Variants in CREB3 observed in about 807,000 individuals in gnomAD.
CREB3 encodes cAMP responsive element binding protein 3, also known as cyclic AMP-responsive element-binding protein 3.
A neutral mutation model predicts 34.5 loss-of-function variants in CREB3; 29 were observed. The observed-to-expected ratio is 0.84, with a 90% CI of 0.63 to 1.15. CREB3 has a LOEUF of 1.15. CREB3 is among the 50% of genes most tolerant of loss of function. The pLI is 0.00. For synonymous variants in CREB3, 187 were observed against 173.9 expected (o/e 1.08, Z -0.59); for missense variants, 447 against 443.4 (o/e 1.01, Z -0.07).
chr9:35,733,321 C>T (rs759270829), intron 3 of CREB3, 39 bp downstream of exon 3: 7 of 1,612,718 alleles, frequency 4.3e-6, no homozygotes, highest in South Asian at 1.1e-5. Context: ...TCTCACATTC[C>T]CCAGGTGGGG....
In CREB3 at chr9:35,736,448, C is replaced by A. The variant is rs1319353719; in HGVS notation, c.838C>A (p.Pro280Thr). 6.2e-7 allele frequency: 1 copy of A among 1,614,166 alleles called. No individual in the cohort carries two copies. The highest frequency in any genetic ancestry group is 1.1e-5 in the South Asian group (1 of 91,086). Residue 280 changes from proline (P) to threonine (T), a missense_variant, in exon 9 of 9, where the codon CCT becomes ACT. Coordinates refer to ENST00000353704, the MANE Select transcript of CREB3 (RefSeq NM_006368.5). ...TGAGGACCCTTACCAGCTGGAGCTG[C>A]CTGCCCTGCAGTCAGAAGTGCCGAA... Reference protein sequence around the residue: ...PSEDPYQLELPALQSEVPKDS... With the variant: ...PSEDPYQLELTALQSEVPKDS...
Position 35,733,231 on chromosome 9 carries a change from A to G in CREB3, c.294A>G (p.Arg98=). 1 of 1,614,196 alleles carries G rather than the reference A, an allele frequency of 6.2e-7. No homozygotes were observed. Among genetic ancestry groups the G allele is most frequent in the Non-Finnish European group, 8.5e-7 (1 of 1,180,044 alleles). The change falls in exon 3 of 9, where the codon AGA becomes AGG. Residue 98 remains arginine, a synonymous_variant. Coordinates refer to ENST00000353704, the MANE Select transcript of CREB3 (RefSeq NM_006368.5). The part of the protein sequence containing the change: ...VSMDLESESC[R]KEGTQMTPQH... ...CTTTTGCAGAGAGTGAGAGCTGTAG[A>G]AAAGAGGGGACCCAGATGACTCCAC... is the stretch of plus-strand genomic sequence containing the variant.
Position 35,736,890 on chromosome 9 carries a change from A to C in CREB3, c.*164A>C. ...ATGGCTTTCTGGGTCTTTTATTTGT[A>C]CCCATGTGTCTGTCACACCATGAAT... On this transcript the variant is annotated 3_prime_UTR_variant, in exon 9 of 9. Coordinates refer to ENST00000353704, the MANE Select transcript of CREB3 (RefSeq NM_006368.5). The C allele has an allele frequency of 2.7e-6, 2 of 750,820 alleles. No individual in the cohort carries two copies. The allele number at this position is 750,820 out of a possible 1,614,324, so 46.5% of individuals were successfully genotyped here.
rs1826133094 is a variant in CREB3, at chr9:35,733,470, A to C, written c.420A>C (p.Thr140=). 2 of 1,611,844 alleles carry C rather than the reference A, an allele frequency of 1.2e-6. No individual in the cohort carries two copies. The highest frequency in any genetic ancestry group is 3.3e-5 in the Admixed American group (2 of 60,024). ...AGGAGGGGCTTATTCTGCCTGAGAC[A>C]CTTCCTCTCACTAAGGTAAGACTCT... The part of the protein sequence containing the change: ...LEKEGLILPE[T]LPLTKTEEQI... Residue 140 remains threonine, a synonymous_variant, in exon 4 of 9, where the codon ACA becomes ACC. Coordinates refer to ENST00000353704, the MANE Select transcript of CREB3 (RefSeq NM_006368.5).
At chr9:35,735,074 C>T (rs1249202295) in intron 4 of CREB3, 35 bp from the exon 5 acceptor site, 3 of 1,549,568 alleles carry the variant, frequency 1.9e-6, no homozygotes, top group Non-Finnish European at 2.6e-6. Flanking sequence ...TTCTAGAGTT[C>T]CTCTAATGAT....
Position 35,736,435 on chromosome 9 carries a change from C to T in CREB3, c.825C>T (p.Tyr275=), listed in dbSNP as rs1385102436. The T allele has an allele frequency of 6.2e-7, 1 of 1,614,134 alleles. No homozygotes were observed. Among genetic ancestry groups the T allele is most frequent in the Admixed American group, 1.7e-5 (1 of 60,026 alleles). ...GTGCCCTCCCCAGTGAGGACCCTTA[C>T]CAGCTGGAGCTGCCTGCCCTGCAGT... ...QLRALPSEDP[Y]QLELPALQSE... The change falls in exon 9 of 9, where the codon TAC becomes TAT. Residue 275 remains tyrosine (Y), a synonymous_variant. Coordinates refer to ENST00000353704, the MANE Select transcript of CREB3 (RefSeq NM_006368.5).
chr9:35,735,897 C>T (rs1826193028), intron 6 of CREB3, 151 bp from the exon 7 acceptor site: 6 of 636,860 alleles, frequency 9.4e-6, no homozygotes, highest in South Asian at 8.0e-5. Context: ...GCATTTTGTC[C>T]AGAGAGGAAG....
chr9:35,735,216 G>C lies in CREB3; in HGVS notation c.542+1G>C, dbSNP rs781260510. 10 of 1,612,582 alleles carry C rather than the reference G, an allele frequency of 6.2e-6. No individual in the cohort carries two copies. The highest frequency in any genetic ancestry group is 8.5e-6 in the Non-Finnish European group (10 of 1,179,418). On this transcript the variant is annotated splice_donor_variant, in intron 5 of 8. Coordinates refer to ENST00000353704, the MANE Select transcript of CREB3 (RefSeq NM_006368.5). LOFTEE classifies it high-confidence loss of function. ...TGTATGTTGGGGGTTTAGAGAGCAG[G>C]TATGAAAGGGAGAGGGACTCTGTTG...
At chr9:35,735,922 A>G (rs531554712) in intron 6 of CREB3, 126 bp from the exon 7 acceptor site, 1 of 727,726 alleles carries the variant, frequency 1.4e-6, no homozygotes, top group South Asian at 1.8e-5. Context: ...CGTTTGCAAA[A>G]ATAGAATGAA....
chr9:35,735,894 G>A (rs953431797), intron 6 of CREB3, among the ~76,000 whole-genome samples, 154 bp from the exon 7 acceptor site: 2 of 152,154 alleles, frequency 1.3e-5, no homozygotes, highest in African/African-American at 4.8e-5. Context: ...CAGGCATTTT[G>A]TCCAGAGAGG....
chr9:35,735,747 T>G (rs559223027), intron 6 of CREB3, among the ~76,000 whole-genome samples: 1 of 152,150 alleles, frequency 6.6e-6, no homozygotes, highest in Non-Finnish European at 1.5e-5. Context: ...AAATGCCTGG[T>G]GAGGATTATG....
chr9:35,736,833 GGAC>G lies in CREB3; in HGVS notation c.*111_*113del, dbSNP rs563025371. ...TGGCCGCAGCTCCTGTGCCCTGTCAGGACGACTGAGGGCTCAAACACACCACAC... is the reference window on the plus strand; with the variant it reads ...TGGCCGCAGCTCCTGTGCCCTGTCAGGACTGAGGGCTCAAACACACCACAC... On this transcript the variant is annotated 3_prime_UTR_variant, in exon 9 of 9. Transcript: ENST00000353704. 104 of 1,036,658 alleles carry G rather than the reference GGAC, an allele frequency of 1.0e-4. No homozygotes were observed. In the African/African-American group the frequency reaches 1.5e-3, roughly 15 times the overall value. 64.2% of individuals were successfully genotyped at this position (1,036,658 alleles called of 1,614,324 possible). A position where few individuals can be genotyped will look rare whatever the true frequency, so the allele number is the denominator to read the frequency against.
At position 35,732,673 on chromosome 9, in the gene CREB3, G is replaced by A. The variant is rs1326573134; in HGVS notation, c.-100G>A. ...CGGCGGGGAATCCCGGCCGTAGAGG[G>A]ACAGTGGATAGGTGCCCGAGGCCTA... On this transcript the variant is annotated 5_prime_UTR_variant, in exon 1 of 9. Transcript: ENST00000353704. This position sits in a 1 kb window ranked among gnomAD's most constrained non-coding sequence, Gnocchi z 5.1. 8 of 1,484,462 alleles carry A rather than the reference G, an allele frequency of 5.4e-6. No homozygotes were observed. The highest frequency in any genetic ancestry group is 7.3e-6 in the Non-Finnish European group (8 of 1,103,190). 92.0% of individuals were successfully genotyped at this position (1,484,462 alleles called of 1,614,324 possible).
Position 35,732,947 on chromosome 9 carries a change from T to C in CREB3, c.129+46T>C. 1.2e-6 allele frequency: 2 copies of C among 1,612,826 alleles called. No individual in the cohort carries two copies. Among genetic ancestry groups the C allele is most frequent in the Non-Finnish European group, 1.7e-6 (2 of 1,179,114 alleles). On this transcript the variant is annotated intron_variant, in intron 1 of 8. Transcript: ENST00000353704. The surrounding 1 kb of genome is among the most constrained non-coding windows in gnomAD (Gnocchi z 5.1). ...GGGAAAGCGTGGGATGTCCATGAAG[T>C]CAGGTGATGGTGATAAGGTCAAGGC...
In CREB3 at chr9:35,732,912, G is replaced by T. The variant is rs749721106; in HGVS notation, c.129+11G>T. 2 of 1,613,442 alleles carry T rather than the reference G, an allele frequency of 1.2e-6. No homozygotes were observed. Among genetic ancestry groups the T allele is most frequent in the Non-Finnish European group, 8.5e-7 (1 of 1,179,598 alleles). ...CTGCCGCTTTCTGAGGTAGGTTGGG[G>T]TTCTGACTGGGGAAAGCGTGGGATG... On this transcript the variant is annotated intron_variant, in intron 1 of 8. Coordinates refer to ENST00000353704, the MANE Select transcript of CREB3 (RefSeq NM_006368.5). This position sits in a 1 kb window ranked among gnomAD's most constrained non-coding sequence, Gnocchi z 5.1.
intron 4 of CREB3, among the ~76,000 whole-genome samples, chr9:35,734,352 G>A (rs181207704): frequency 1.4e-3 from 215 of 152,262 alleles, no homozygotes; most frequent in African/African-American, 5.0e-3. Context: ...GTCTCTACAA[G>A]TCACTCTCTT....
chr9:35,736,360 G>T (rs1167340009), intron 8 of CREB3, 32 bp from the exon 9 acceptor site: 1 of 1,612,968 alleles, frequency 6.2e-7, no homozygotes. Context: ...GAGAGGTCTG[G>T]GTTGGCCTCT....
At chr9:35,734,831 G>A (rs1001405847) in intron 4 of CREB3, among the ~76,000 whole-genome samples, 5 of 152,162 alleles carry the variant, frequency 3.3e-5, no homozygotes, top group Admixed American at 2.6e-4. Flanking sequence ...GGGCTCAACC[G>A]GTCCTCCTGT....
chr9:35,734,574 G>A (rs1343819895), intron 4 of CREB3, among the ~76,000 whole-genome samples: 3 of 152,144 alleles, frequency 2.0e-5, no homozygotes, highest in Non-Finnish European at 4.4e-5. Context: ...GGAGGCAGCT[G>A]TTGGTTCAGG....
Sources: allele counts gnomAD v4.1 joint callset (sites outside exome capture counted in the v4.1 genomes callset), GRCh38; gene constraint gnomAD v4.1.1; non-coding constraint Gnocchi (gnomAD v3.1); transcripts MANE v1.5; gene names NCBI Gene and HGNC (gene_info 2026-07-23, HGNC 2026-07-21).